WDPCP: variants seen among roughly 807,000 people sequenced by gnomAD.
The protein encoded by WDPCP is WD repeat-containing and planar cell polarity effector protein fritz homolog.
Under a neutral mutation model 93.1 loss-of-function variants are expected in WDPCP, and 71 were observed. That is an observed-to-expected ratio of 0.76 (90% confidence interval 0.63 to 0.93). WDPCP has a LOEUF of 0.93. WDPCP is among the 40% of genes least tolerant of loss of function. The probability of loss-of-function intolerance (pLI) is 0.00; values close to 1 mark genes in which losing one functional copy is unlikely to be tolerated. For synonymous variants in WDPCP, 315 were observed against 315.0 expected (o/e 1.00, Z 0.00); for missense variants, 844 against 887.4 (o/e 0.95, Z 0.62).
intron 2 of WDPCP, among the ~76,000 whole-genome samples, chr2:63,692,148 A>AT (rs1668899084): frequency 6.6e-6 from 1 of 152,150 alleles, no homozygotes; most frequent in African/African-American, 2.4e-5. Flanking sequence ...AGAGCCTTAC[A>AT]TTACACAGAG....
chr2:63,223,244 T>C (rs1677990558), intron 14 of WDPCP, among the ~76,000 whole-genome samples: 1 of 152,156 alleles, frequency 6.6e-6, no homozygotes, highest in South Asian at 2.1e-4. Flanking sequence ...TTGACTAAAT[T>C]GGGCAATGCA....
intron 1 of WDPCP, among the ~76,000 whole-genome samples, chr2:63,822,548 G>T (rs1377323252): frequency 3.3e-5 from 5 of 152,038 alleles, no homozygotes; most frequent in Non-Finnish European, 7.4e-5. Flanking sequence ...ATTAAAAGTA[G>T]CTCTTATTTT....
chr2:63,767,020 CCAGA>C (rs903148086), intron 2 of WDPCP, among the ~76,000 whole-genome samples: 1 of 152,048 alleles, frequency 6.6e-6, no homozygotes, highest in African/African-American at 2.4e-5. Context: ...CACCCCATCC[CCAGA>C]CAACCACTGA....
chr2:63,232,792 A>ATAAT (rs1223542227), intron 14 of WDPCP: 1 of 153,718 alleles, frequency 6.5e-6, no homozygotes, highest in Admixed American at 6.6e-5. Context: ...TTTTTTAATG[A>ATAAT]TAATTATAAT....
At chr2:63,765,203 T>C (rs1670119147) in intron 2 of WDPCP, among the ~76,000 whole-genome samples, 1 of 152,170 alleles carries the variant, frequency 6.6e-6, no homozygotes. Flanking sequence ...ATGGCAGAAC[T>C]CTAACCCAGT....
At chr2:63,620,382 T>C (rs1351012982) in intron 3 of WDPCP, among the ~76,000 whole-genome samples, 1 of 152,232 alleles carries the variant, frequency 6.6e-6, no homozygotes, top group Non-Finnish European at 1.5e-5. Context: ...CAGTCTTCCC[T>C]TCACAGTGTA....
At chr2:63,694,849 T>C (rs1344728330) in intron 2 of WDPCP, among the ~76,000 whole-genome samples, 1 of 152,136 alleles carries the variant, frequency 6.6e-6, no homozygotes, top group East Asian at 1.9e-4. Flanking sequence ...ATTTAGCCTA[T>C]GAAACCTAAA....
At chr2:63,303,782 C>CAAGA (rs1019763019) in intron 13 of WDPCP, among the ~76,000 whole-genome samples, 1 of 151,840 alleles carries the variant, frequency 6.6e-6, no homozygotes, top group African/African-American at 2.4e-5. Context: ...AACAACCCAG[C>CAAGA]AAGAGAAAAG....
chr2:63,566,951 C>A (rs530185219), intron 1 of WDPCP, among the ~76,000 whole-genome samples: 1 of 152,268 alleles, frequency 6.6e-6, no homozygotes, highest in African/African-American at 2.4e-5. Context: ...AACTTAGCAA[C>A]AGCCAAATGC....
At chr2:63,202,791 G>A (rs543884761) in intron 14 of WDPCP, among the ~76,000 whole-genome samples, 1 of 152,034 alleles carries the variant, frequency 6.6e-6, no homozygotes, top group Non-Finnish European at 1.5e-5. Flanking sequence ...CTGCATCTTT[G>A]TTTATCCTTT....
chr2:63,737,526 C>T (rs1669655028), intron 2 of WDPCP, among the ~76,000 whole-genome samples: 1 of 152,180 alleles, frequency 6.6e-6, no homozygotes, highest in Non-Finnish European at 1.5e-5. Flanking sequence ...ATCATGTGTA[C>T]TCAGACATGT....
intron 1 of WDPCP, among the ~76,000 whole-genome samples, chr2:63,556,952 T>A (rs1328357272): frequency 6.6e-6 from 1 of 152,168 alleles, no homozygotes; most frequent in Non-Finnish European, 1.5e-5. Context: ...AAAATCCTTT[T>A]TGGATAAGCA....
At chr2:63,168,107 C>CA (rs957507138) in intron 15 of WDPCP, among the ~76,000 whole-genome samples, 2,038 of 51,702 alleles carry the variant, frequency 0.039, 8 homozygotes, top group Middle Eastern at 0.076. Context: ...GAGACCCTGC[C>CA]AAAAAAAAAA....
intron 17 of WDPCP, among the ~76,000 whole-genome samples, chr2:63,136,327 G>T (rs1029281321): frequency 6.6e-6 from 1 of 152,050 alleles, no homozygotes; most frequent in Non-Finnish European, 1.5e-5. Context: ...ACTAACTTCA[G>T]GTCTGAGCAG....
At chr2:63,366,694 A>C (rs6546002) in intron 12 of WDPCP, among the ~76,000 whole-genome samples, 121,187 of 151,748 alleles carry the variant, frequency 0.8, 49,244 homozygotes, top group East Asian at 0.97. Flanking sequence ...ATGTTGTTAT[A>C]CTCTATACCA....
intron 2 of WDPCP, among the ~76,000 whole-genome samples, chr2:63,732,231 T>C (rs1203409117): frequency 2.6e-5 from 4 of 152,224 alleles, no homozygotes; most frequent in African/African-American, 9.6e-5. Context: ...ATGAGCAACA[T>C]GAGCTGTTAT....
intron 15 of WDPCP, among the ~76,000 whole-genome samples, chr2:63,154,363 A>G (rs2103833731): frequency 6.6e-6 from 1 of 152,188 alleles, no homozygotes; most frequent in South Asian, 2.1e-4. Context: ...TCATAACTAT[A>G]GTTTTGACTT....
At chr2:63,494,919 C>CAAAAA (rs34227025) in intron 1 of WDPCP, among the ~76,000 whole-genome samples, 2 of 69,654 alleles carry the variant, frequency 2.9e-5, no homozygotes, top group African/African-American at 5.0e-5. Context: ...GACTCCGTCT[C>CAAAAA]AAAAAAAAAA....
At chr2:63,273,221 A>T (rs568660329) in intron 13 of WDPCP, among the ~76,000 whole-genome samples, 1 of 152,176 alleles carries the variant, frequency 6.6e-6, no homozygotes, top group Non-Finnish European at 1.5e-5. Context: ...TCACCACTAG[A>T]CTGGTCCTAC....
Sources: allele counts gnomAD v4.1 joint callset (sites outside exome capture counted in the v4.1 genomes callset), GRCh38; gene constraint gnomAD v4.1.1; transcripts MANE v1.5; gene names NCBI Gene and HGNC (gene_info 2026-07-23, HGNC 2026-07-21).